The following C10orf90 variants were observed in gnomAD, a reference collection of about 807,000 sequenced individuals.
The protein encoded by C10orf90 is chromosome 10 open reading frame 90, also known as (E2-independent) E3 ubiquitin-conjugating enzyme FATS.
In C10orf90, 56 loss-of-function variants were observed where a neutral mutation model predicts 62.5. The observed-to-expected ratio is 0.90, with a 90% confidence interval of 0.72 to 1.12. C10orf90 has a LOEUF of 1.12. C10orf90 is among the 50% of genes most tolerant of loss of function. The pLI is 0.00. For missense variants in C10orf90, 970 were observed against 880.4 expected (o/e 1.10, Z -1.29); for synonymous variants, 386 against 340.4 (o/e 1.13, Z -1.47).
At chr10:126,500,074 A>G (rs1323515956) in intron 4 of C10orf90, among the ~76,000 whole-genome samples, 3 of 152,256 alleles carry the variant, frequency 2.0e-5, no homozygotes, top group Non-Finnish European at 4.4e-5. Flanking sequence ...TTCTGAGCCA[A>G]TACATTTTAA....
At chr10:126,439,450 A>T (rs1858158362) in intron 7 of C10orf90, among the ~76,000 whole-genome samples, 1 of 152,234 alleles carries the variant, frequency 6.6e-6, no homozygotes, top group South Asian at 2.1e-4. Context: ...TAATGTGATA[A>T]TTGTCCAGTA....
Position 126,650,722 on chromosome 10 carries a change from C to T in C10orf90, c.241-4085G>A, listed in dbSNP as rs55784141. Among the ~76,000 whole-genome samples the T allele has an allele frequency of 5.1e-3, 779 of 152,284 alleles. 6 individuals are homozygous for T. The highest frequency in any genetic ancestry group is 0.018 in the African/African-American group (744 of 41,552). ...ATTCACATGACTTCATTTTGATTCT[C>T]CAAATTCCCTGAAAGGTGGTGACTA... is the stretch of plus-strand genomic sequence containing the variant. On this transcript the variant is annotated intron_variant, in intron 1 of 9. Transcript: ENST00000488181.
intron 7 of C10orf90, among the ~76,000 whole-genome samples, chr10:126,439,451 T>C (rs1357500756): frequency 6.6e-6 from 1 of 152,182 alleles, no homozygotes; most frequent in African/African-American, 2.4e-5. Flanking sequence ...AATGTGATAA[T>C]TGTCCAGTAA....
intron 4 of C10orf90, among the ~76,000 whole-genome samples, chr10:126,465,516 G>C (rs1860235461): frequency 6.6e-6 from 1 of 151,950 alleles, no homozygotes; most frequent in African/African-American, 2.4e-5. Context: ...AATTTATGTA[G>C]AGTGGTTAGC....
Position 126,464,814 on chromosome 10 carries a change from T to C in C10orf90, c.1707A>G (p.Arg569=). Residue 569 remains arginine (R), a synonymous_variant, in exon 5 of 10, where the codon CGA becomes CGG. Transcript: ENST00000488181. ...TTCTGGGTTTCAGGAAGCTTTGATGTCGTCTCTCTGTGGGCTCAGAAAGGT... is the reference window on the plus strand; with the variant it reads ...TTCTGGGTTTCAGGAAGCTTTGATGCCGTCTCTCTGTGGGCTCAGAAAGGT... ...SRDLSEPTER[R]HQSFLKPRIL... 2 of 1,614,106 alleles carry C rather than the reference T, an allele frequency of 1.2e-6. No homozygotes were observed. Among genetic ancestry groups the C allele is most frequent in the Non-Finnish European group, 1.7e-6 (2 of 1,180,042 alleles).
intron 2 of C10orf90, among the ~76,000 whole-genome samples, chr10:126,608,275 A>G (rs1281904944): frequency 6.6e-6 from 1 of 151,890 alleles, no homozygotes; most frequent in Non-Finnish European, 1.5e-5. Flanking sequence ...TGCCTGGGTA[A>G]TTTTGTTTAA....
chr10:126,591,615 C>A (rs1315341956), intron 2 of C10orf90, among the ~76,000 whole-genome samples: 1 of 152,126 alleles, frequency 6.6e-6, no homozygotes, highest in African/African-American at 2.4e-5. Flanking sequence ...AAGCTGGAAG[C>A]ATTCCCCTTG....
intron 7 of C10orf90, among the ~76,000 whole-genome samples, chr10:126,441,347 TA>T (rs1052121365): frequency 7.9e-5 from 12 of 151,980 alleles, no homozygotes; most frequent in African/African-American, 2.7e-4. Flanking sequence ...CAAATAAGAA[TA>T]AAAAATATAA....
intron 2 of C10orf90, among the ~76,000 whole-genome samples, chr10:126,536,838 G>A (rs1864250374): frequency 6.6e-6 from 1 of 152,156 alleles, no homozygotes; most frequent in African/African-American, 2.4e-5. Flanking sequence ...CGTGGACTTT[G>A]TGCTTCCCCT....
At chr10:126,452,030 A>G in intron 7 of C10orf90, among the ~76,000 whole-genome samples, 1 of 152,290 alleles carries the variant, frequency 6.6e-6, no homozygotes, top group South Asian at 2.1e-4. Context: ...ATAGTTAATA[A>G]TAAAGCTTTT....
rs113342247 is a variant in C10orf90, at chr10:126,425,271, C to T, written c.*593G>A. 1 of 152,338 alleles carries T rather than the reference C, an allele frequency of 6.6e-6. No individual in the cohort carries two copies. The highest frequency in any genetic ancestry group is 2.4e-5 in the African/African-American group (1 of 41,430). The allele number at this position is 152,338 out of a possible 1,614,324, so 9.4% of individuals were successfully genotyped here. On this transcript the variant is annotated 3_prime_UTR_variant, in exon 10 of 10. Transcript: ENST00000488181. ...AGGAATGGGGCGGGGTGACTGAGGG[C>T]CCTCTGACTGCTCCAGGTCACAAAG...
intron 2 of C10orf90, among the ~76,000 whole-genome samples, chr10:126,543,276 A>G (rs1591083766): frequency 6.6e-6 from 1 of 152,172 alleles, no homozygotes; most frequent in East Asian, 1.9e-4. Context: ...CCTGTCAGTC[A>G]TCAACCGTCT....
intron 2 of C10orf90, among the ~76,000 whole-genome samples, chr10:126,567,226 T>C (rs1249729083): frequency 6.6e-6 from 1 of 152,166 alleles, no homozygotes; most frequent in Non-Finnish European, 1.5e-5. Flanking sequence ...TGGGGTAGCA[T>C]GGCTGGGAAA....
At chr10:126,532,652 A>G (rs980883142) in intron 2 of C10orf90, among the ~76,000 whole-genome samples, 4 of 151,150 alleles carry the variant, frequency 2.6e-5, no homozygotes, top group African/African-American at 7.3e-5. Flanking sequence ...CCTGGCTAAC[A>G]CGGTGAAACC....
At chr10:126,440,403 C>T (rs1454970271) in intron 7 of C10orf90, among the ~76,000 whole-genome samples, 1 of 152,126 alleles carries the variant, frequency 6.6e-6, no homozygotes, top group African/African-American at 2.4e-5. Context: ...AAAGAAGAGC[C>T]TGAGCTCAGA....
chr10:126,508,795 C>G (rs531633866), intron 3 of C10orf90, among the ~76,000 whole-genome samples: 1 of 152,120 alleles, frequency 6.6e-6, no homozygotes, highest in African/African-American at 2.4e-5. Context: ...CAGGCTTCCT[C>G]GTACTGTGGT....
In C10orf90 at chr10:126,562,788, G is replaced by A. The variant is rs189392614; in HGVS notation, c.314-48849C>T. Among the ~76,000 whole-genome samples, 137 of 152,276 alleles carry A rather than the reference G, an allele frequency of 9.0e-4. 1 individual carries two copies. Among genetic ancestry groups the A allele is most frequent in the Admixed American group, 8.8e-3 (135 of 15,298 alleles). ...AGAGCCTGCCAGAGCTCCCCAACCA[G>A]GACAGTAAAACCATCAGGCGAGCCC... On this transcript the variant is annotated intron_variant, in intron 2 of 9. Transcript: ENST00000488181.
At chr10:126,632,547 A>G (rs562926104) in intron 2 of C10orf90, among the ~76,000 whole-genome samples, 1 of 152,104 alleles carries the variant, frequency 6.6e-6, no homozygotes, top group East Asian at 2.0e-4. Flanking sequence ...AATAGCACAA[A>G]TCCTTTTCAA....
chr10:126,528,832 G>C (rs1864018966), intron 2 of C10orf90, among the ~76,000 whole-genome samples: 1 of 152,212 alleles, frequency 6.6e-6, no homozygotes, highest in South Asian at 2.1e-4. Flanking sequence ...CCCTTTGTAT[G>C]TGTGAGCGGG....
Sources: gnomAD v4.1 joint callset for allele counts (sites outside exome capture counted in the v4.1 genomes callset) on GRCh38, gnomAD v4.1.1 for gene constraint, MANE v1.5 for transcripts, NCBI Gene and HGNC (gene_info 2026-07-23, HGNC 2026-07-21) for gene names.